The following TENM4 variants were observed in gnomAD, a reference collection of about 807,000 sequenced individuals.
TENM4 encodes the protein teneurin transmembrane protein 4.
Under a neutral mutation model 243.3 loss-of-function variants are expected in TENM4, and 82 were observed. The ratio of observed to expected loss-of-function variants is 0.34; its 90% CI spans 0.28 to 0.40. The LOEUF (loss-of-function observed/expected upper bound fraction) is 0.40, where lower values mean the gene tolerates loss of function less well. Ranked by LOEUF, TENM4 falls within the 10% of genes least tolerant of loss-of-function variation. TENM4 has a pLI of 1.00. For missense variants in TENM4, 3,138 were observed against 3,673.3 expected, an observed-to-expected ratio of 0.85 and a Z score of 3.77; for synonymous variants, 1,412 against 1,456.3, an observed-to-expected ratio of 0.97 and a Z score of 0.69.
chr11:79,227,285 G>T (rs969162151), intron 2 of TENM4, among the ~76,000 whole-genome samples: 3 of 152,182 alleles, frequency 2.0e-5, no homozygotes, highest in African/African-American at 7.2e-5. Context: ...GCTGTCATTG[G>T]TTGCTGTCAT....
At chr11:79,285,855 G>A (rs1856241130) in intron 2 of TENM4, among the ~76,000 whole-genome samples, 1 of 152,152 alleles carries the variant, frequency 6.6e-6, no homozygotes. Flanking sequence ...GTAGATTAGT[G>A]GAGTGGTTGG....
At chr11:78,911,999 T>C (rs1856200382) in intron 6 of TENM4, among the ~76,000 whole-genome samples, 1 of 152,068 alleles carries the variant, frequency 6.6e-6, no homozygotes, top group Admixed American at 6.5e-5. Context: ...GAGCAAGAAC[T>C]TGAACAGAGC....
chr11:78,672,184 T>C lies in TENM4; in HGVS notation c.5642A>G (p.Asn1881Ser). Residue 1881 changes from asparagine to serine, a missense_variant, in exon 31 of 34, where the codon AAT (asparagine) becomes AGT (serine). Physicochemically the swap from Asn to Ser is conservative, Grantham distance 46. Around this residue, in one of 2 missense-constraint regions of TENM4, gnomAD observed 2,467 missense variants for 3,059.1 expected, o/e 0.81. Coordinates refer to ENST00000278550, the MANE Select transcript of TENM4 (RefSeq NM_001098816.3). ...AGGGGAGTATGTCACGTTGACACCA[T>C]TCAGCCTGCTGCTGGGTGACCAGAG... ...PSLWSPSSRL[N>S]GVNVTYSPGG... 6.2e-7 allele frequency: 1 copy of C among 1,613,850 alleles called. No individual in the cohort carries two copies. The highest frequency in any genetic ancestry group is 1.1e-5 in the South Asian group (1 of 91,068).
At chr11:79,148,160 G>A (rs1047508502) in intron 4 of TENM4, among the ~76,000 whole-genome samples, 3 of 152,088 alleles carry the variant, frequency 2.0e-5, no homozygotes, top group Admixed American at 6.6e-5. Context: ...CAAGTGACCA[G>A]GGTGGGAGCT....
intron 1 of TENM4, among the ~76,000 whole-genome samples, chr11:79,395,475 C>T (rs931458531): frequency 1.3e-5 from 2 of 152,168 alleles, no homozygotes; most frequent in African/African-American, 2.4e-5. Flanking sequence ...TGAAGAGGAC[C>T]GGGCATACAG....
At chr11:78,868,424 A>G (rs1413936795) in intron 9 of TENM4, among the ~76,000 whole-genome samples, 1 of 152,182 alleles carries the variant, frequency 6.6e-6, no homozygotes, top group East Asian at 1.9e-4. Flanking sequence ...TCACAAGATC[A>G]CCCACGCTGA....
intron 11 of TENM4, among the ~76,000 whole-genome samples, chr11:78,855,452 A>G (rs1030779213): frequency 6.6e-6 from 1 of 152,224 alleles, no homozygotes; most frequent in African/African-American, 2.4e-5. Flanking sequence ...GGAGAGAAGG[A>G]ATAAGAAAGA....
chr11:79,146,564 G>A (rs1862398370), intron 4 of TENM4, among the ~76,000 whole-genome samples: 1 of 151,910 alleles, frequency 6.6e-6, no homozygotes, highest in Admixed American at 6.6e-5. Flanking sequence ...GGTCTTCAGG[G>A]GCATGGTCTT....
At chr11:78,815,092 C>G (rs555731774) in intron 12 of TENM4, among the ~76,000 whole-genome samples, 2 of 152,220 alleles carry the variant, frequency 1.3e-5, no homozygotes, top group African/African-American at 4.8e-5. Flanking sequence ...GAGACAAAGA[C>G]GTTCTCTTTT....
At chr11:79,032,637 T>C (rs1859276687) in intron 6 of TENM4, among the ~76,000 whole-genome samples, 1 of 151,736 alleles carries the variant, frequency 6.6e-6, no homozygotes, top group African/African-American at 2.4e-5. Context: ...CAGAGCCTAC[T>C]AGAAGGTTCT....
chr11:78,704,157 G>GTGTGTATATATA (rs1201390547), intron 27 of TENM4, among the ~76,000 whole-genome samples: 3 of 70,516 alleles, frequency 4.3e-5, no homozygotes, highest in African/African-American at 1.8e-4. Context: ...ATGTATGTGT[G>GTGTGTATATATA]TCTATATATA....
intron 2 of TENM4, among the ~76,000 whole-genome samples, chr11:79,288,141 C>A (rs1856289953): frequency 6.6e-6 from 1 of 152,248 alleles, no homozygotes; most frequent in Non-Finnish European, 1.5e-5. Flanking sequence ...CCTTGTGAAA[C>A]TGCTAGGCTT....
chr11:79,422,091 T>A (rs1219865312), intron 1 of TENM4: 1 of 153,870 alleles, frequency 6.5e-6, no homozygotes, highest in Non-Finnish European at 1.5e-5. Context: ...GGGAACCACA[T>A]CCCTGCTTCT....
intron 1 of TENM4, among the ~76,000 whole-genome samples, chr11:79,374,104 C>T (rs943518973): frequency 2.6e-5 from 4 of 152,090 alleles, no homozygotes; most frequent in East Asian, 3.9e-4. Flanking sequence ...TGAATTCAAG[C>T]CAGCACGAAG....
intron 6 of TENM4, among the ~76,000 whole-genome samples, chr11:79,022,022 C>A (rs1858943162): frequency 2.0e-5 from 3 of 152,062 alleles, no homozygotes; most frequent in Admixed American, 2.0e-4. Context: ...TCTAGAGAAA[C>A]CAAGGGACAT....
intron 22 of TENM4, among the ~76,000 whole-genome samples, chr11:78,728,723 T>C (rs1855580859): frequency 6.6e-6 from 1 of 152,170 alleles, no homozygotes; most frequent in Admixed American, 6.5e-5. Flanking sequence ...AAGTGCTTGG[T>C]GGATCAACTC....
chr11:78,760,668 CATT>C (rs1248133934), intron 18 of TENM4, among the ~76,000 whole-genome samples: 1 of 152,186 alleles, frequency 6.6e-6, no homozygotes, highest in Non-Finnish European at 1.5e-5. Context: ...TTGTGTCTCT[CATT>C]AGTTCTGCAA....
intron 1 of TENM4, among the ~76,000 whole-genome samples, chr11:79,384,229 T>C (rs1858063253): frequency 6.6e-6 from 1 of 152,232 alleles, no homozygotes; most frequent in Non-Finnish European, 1.5e-5. Flanking sequence ...TTTTCCTCAA[T>C]AGGACCTAAT....
chr11:78,672,058 G>A lies in TENM4; in HGVS notation c.5768C>T (p.Thr1923Ile). The change falls in exon 31 of 34, where the codon ACA becomes ATA. Residue 1923 changes from threonine to isoleucine, a missense_variant. Transcript: ENST00000278550. ...ITSRIFADGKTWSYTYLEKSM... is the reference protein window; with the variant it reads ...ITSRIFADGKIWSYTYLEKSM... ...CTTCTCTAAGTATGTGTAGCTCCAT[G>A]TCTTCCCATCAGCGAAGATCCTGGA... 1 of 1,613,964 alleles carries A rather than the reference G, an allele frequency of 6.2e-7. No homozygotes were observed. The highest frequency in any genetic ancestry group is 8.5e-7 in the Non-Finnish European group (1 of 1,179,884).
Sources: allele counts gnomAD v4.1 joint callset (sites outside exome capture counted in the v4.1 genomes callset), GRCh38; gene constraint gnomAD v4.1.1; regional missense constraint gnomAD v4.1.1; transcripts MANE v1.5; gene names NCBI Gene and HGNC (gene_info 2026-07-23, HGNC 2026-07-21).